The following BLTP1 variants were observed in gnomAD, a reference collection of about 807,000 sequenced individuals.
BLTP1 encodes bridge-like lipid transfer protein family member 1, also known as fragile site-associated protein.
chr4:122,248,611 TTAAA>T, the BLTP1 span, among the ~76,000 whole-genome samples: 10 of 152,170 alleles, frequency 6.6e-5, no homozygotes, highest in East Asian at 1.5e-3. Flanking sequence ...TACAAAAAAA[TTAAA>T]TAATGAGAAA....
the BLTP1 span, chr4:122,271,550 G>A: frequency 6.2e-7 from 1 of 1,613,498 alleles, no homozygotes. Context: ...TTCAAAAGAT[G>A]TGGTGGATCA....
At chr4:122,252,922 A>G in the BLTP1 span, among the ~76,000 whole-genome samples, 1 of 152,204 alleles carries the variant, frequency 6.6e-6, no homozygotes, top group Non-Finnish European at 1.5e-5. Context: ...TGCTTGTGTC[A>G]CTGCACCAGC....
the BLTP1 span, chr4:122,221,149 G>A: frequency 0.025 from 15,127 of 598,324 alleles, 1,122 homozygotes; most frequent in African/African-American, 0.21. Context: ...AAATGGGAAG[G>A]TGAATCTGAC....
chr4:122,346,886 T>C, the BLTP1 span: 7 of 1,462,220 alleles, frequency 4.8e-6, no homozygotes, highest in Admixed American at 9.1e-5. Flanking sequence ...GAAATGTCCA[T>C]TGGGCCCCTC....
the BLTP1 span, chr4:122,219,055 G>A: frequency 1.2e-5 from 8 of 650,638 alleles, no homozygotes; most frequent in Non-Finnish European, 1.3e-5. Context: ...AGGTCTCTGA[G>A]GACCTAAATT....
At chr4:122,281,316 T>G in the BLTP1 span, 1 of 975,216 alleles carries the variant, frequency 1.0e-6, no homozygotes, top group African/African-American at 1.8e-5. Context: ...AGTATAACAT[T>G]CTAAGAGTCT....
chr4:122,237,800 T>TG, the BLTP1 span, among the ~76,000 whole-genome samples: 1 of 151,888 alleles, frequency 6.6e-6, no homozygotes, highest in Non-Finnish European at 1.5e-5. Flanking sequence ...CTGGCCAACA[T>TG]GGGGAAACCC....
chr4:122,301,497 A>G, the BLTP1 span: 1 of 606,402 alleles, frequency 1.6e-6, no homozygotes, highest in Non-Finnish European at 2.7e-6. Context: ...CCAAACAGAA[A>G]ATAAAAATGA....
chr4:122,241,185 G>A, the BLTP1 span, among the ~76,000 whole-genome samples: 4 of 152,236 alleles, frequency 2.6e-5, no homozygotes, highest in South Asian at 8.3e-4. Context: ...TTTGAAGGAT[G>A]ATGAGGAATT....
chr4:122,185,481 C>T, the BLTP1 span: 1 of 907,678 alleles, frequency 1.1e-6, no homozygotes, highest in Non-Finnish European at 1.3e-6. Context: ...TAAATGGATT[C>T]ATTAATTACT....
chr4:122,200,587 A>AACAAAAC, the BLTP1 span: 2 of 938,218 alleles, frequency 2.1e-6, no homozygotes, highest in African/African-American at 3.7e-5. Flanking sequence ...TCAAAACAAA[A>AACAAAAC]AAAAAAAAAA....
At chr4:122,193,583 A>G in the BLTP1 span, 1 of 582,910 alleles carries the variant, frequency 1.7e-6, no homozygotes, top group Non-Finnish European at 2.2e-6. Flanking sequence ...TAAACAAAGA[A>G]GGGGACATTT....
the BLTP1 span, among the ~76,000 whole-genome samples, chr4:122,299,415 A>G: frequency 6.6e-6 from 1 of 152,198 alleles, no homozygotes; most frequent in Non-Finnish European, 1.5e-5. Flanking sequence ...CTCAAGGAAC[A>G]GGGATGTGTA....
the BLTP1 span, chr4:122,154,521 C>T: frequency 1.0e-6 from 1 of 975,378 alleles, no homozygotes; most frequent in Non-Finnish European, 1.2e-6. Context: ...TGTCAAAATT[C>T]TGTTCTCTCT....
At chr4:122,245,272 C>T in the BLTP1 span, 1 of 682,022 alleles carries the variant, frequency 1.5e-6, no homozygotes, top group African/African-American at 1.8e-5. Flanking sequence ...GTTTATATGT[C>T]ATTGGCTCTG....
chr4:122,287,970 G>C, the BLTP1 span, among the ~76,000 whole-genome samples: 1 of 151,756 alleles, frequency 6.6e-6, no homozygotes, highest in African/African-American at 2.4e-5. Flanking sequence ...GCTAATACTA[G>C]ATATTAGAAA....
chr4:122,153,949 A>G, the BLTP1 span: 45 of 961,002 alleles, frequency 4.7e-5, no homozygotes, highest in African/African-American at 5.3e-5. Flanking sequence ...TAACGAAATC[A>G]TATAATCAGA....
At chr4:122,254,974 C>G in the BLTP1 span, 46 of 1,570,022 alleles carry the variant, frequency 2.9e-5, no homozygotes, top group Middle Eastern at 1.7e-4. Flanking sequence ...TTAAATAATA[C>G]AAGGTATTAT....
At chr4:122,274,854 A>T in the BLTP1 span, among the ~76,000 whole-genome samples, 1 of 152,022 alleles carries the variant, frequency 6.6e-6, no homozygotes, top group Non-Finnish European at 1.5e-5. Context: ...AAGAAGTATG[A>T]TATGTTACAG....
Sources: allele counts gnomAD v4.1 joint callset (sites outside exome capture counted in the v4.1 genomes callset), GRCh38; gene constraint gnomAD v4.1.1; transcripts MANE v1.5; gene names NCBI Gene and HGNC (gene_info 2026-07-23, HGNC 2026-07-21).